The following GRIA1 variants were observed in gnomAD, a reference collection of about 807,000 sequenced individuals.
GRIA1 encodes glutamate ionotropic receptor AMPA type subunit 1, also known as glutamate receptor 1.
Under a neutral mutation model 99.2 loss-of-function variants are expected in GRIA1, and 31 were observed. The ratio of observed to expected loss-of-function variants is 0.31; its 90% CI spans 0.23 to 0.42. The LOEUF is 0.42. Ranked by LOEUF, GRIA1 falls within the 10% of genes least tolerant of loss-of-function variation. The pLI is 1.00. For synonymous variants in GRIA1, 438 were observed against 432.4 expected (o/e 1.01, Z -0.16); for missense variants, 782 against 1,157.5 (o/e 0.68, Z 4.71).
At chr5:153,588,644 G>A (rs193165135) in intron 2 of GRIA1, among the ~76,000 whole-genome samples, 1 of 152,258 alleles carries the variant, frequency 6.6e-6, no homozygotes, top group Admixed American at 6.5e-5. Flanking sequence ...CTTTTAAATT[G>A]AAATTATAGT....
chr5:153,610,610 C>T (rs1160132611), intron 2 of GRIA1, among the ~76,000 whole-genome samples: 2 of 152,028 alleles, frequency 1.3e-5, no homozygotes, highest in African/African-American at 4.8e-5. Flanking sequence ...AGTGTAGTCT[C>T]CAGAGTCAAG....
At chr5:153,703,263 T>A (rs912963053) in intron 10 of GRIA1, among the ~76,000 whole-genome samples, 2 of 152,186 alleles carry the variant, frequency 1.3e-5, no homozygotes, top group African/African-American at 4.8e-5. Flanking sequence ...GCCAAATAGT[T>A]TTGGAAATGC....
chr5:153,609,567 T>G (rs1190204836), intron 2 of GRIA1, among the ~76,000 whole-genome samples: 10 of 139,250 alleles, frequency 7.2e-5, no homozygotes, highest in African/African-American at 2.7e-4. Flanking sequence ...TTTTTTTTTT[T>G]TTTTTTTTTT....
At chr5:153,545,058 T>G (rs1287384125) in intron 2 of GRIA1, among the ~76,000 whole-genome samples, 1 of 152,178 alleles carries the variant, frequency 6.6e-6, no homozygotes, top group African/African-American at 2.4e-5. Context: ...AGTTCTCTTG[T>G]GTTTAAGGAA....
intron 11 of GRIA1, among the ~76,000 whole-genome samples, chr5:153,748,551 T>G (rs1762305188): frequency 6.6e-6 from 1 of 152,140 alleles, no homozygotes; most frequent in Non-Finnish European, 1.5e-5. Context: ...CTACTTATAG[T>G]TTAAAAAGAT....
intron 11 of GRIA1, chr5:153,755,392 G>C (rs1385717375): frequency 6.6e-6 from 1 of 152,328 alleles, no homozygotes; most frequent in Non-Finnish European, 1.5e-5. Context: ...GCCAGGCACA[G>C]TGGCACACCC....
intron 2 of GRIA1, among the ~76,000 whole-genome samples, chr5:153,620,081 A>G (rs1766889286): frequency 6.6e-6 from 1 of 152,222 alleles, no homozygotes; most frequent in South Asian, 2.1e-4. Flanking sequence ...GAAGTGACCT[A>G]TAAATTCTGA....
chr5:153,680,528 T>C (rs144666560), intron 7 of GRIA1, among the ~76,000 whole-genome samples: 1 of 152,310 alleles, frequency 6.6e-6, no homozygotes, highest in South Asian at 2.1e-4. Flanking sequence ...ACATAATTTC[T>C]GCATGACCAG....
At chr5:153,511,122 T>A (rs1052321413) in intron 2 of GRIA1, among the ~76,000 whole-genome samples, 1 of 151,960 alleles carries the variant, frequency 6.6e-6, no homozygotes, top group East Asian at 1.9e-4. Flanking sequence ...AACAGGCGGG[T>A]CTGATTGCTT....
chr5:153,598,266 G>A (rs1000631858), intron 2 of GRIA1, among the ~76,000 whole-genome samples: 1 of 152,014 alleles, frequency 6.6e-6, no homozygotes, highest in Non-Finnish European at 1.5e-5. Flanking sequence ...AATAGGAAGA[G>A]CACATCCTGT....
intron 11 of GRIA1, among the ~76,000 whole-genome samples, chr5:153,747,548 G>T (rs1762240903): frequency 6.6e-6 from 1 of 152,206 alleles, no homozygotes; most frequent in Non-Finnish European, 1.5e-5. Flanking sequence ...ATAGCATCCA[G>T]CTCAGAGTTG....
chr5:153,504,177 G>A (rs957130311), intron 2 of GRIA1, among the ~76,000 whole-genome samples: 2 of 151,890 alleles, frequency 1.3e-5, no homozygotes, highest in Admixed American at 1.3e-4. Context: ...TAGAGCTTGG[G>A]GTAGTGAGAA....
intron 12 of GRIA1, among the ~76,000 whole-genome samples, chr5:153,768,273 T>C (rs1763649748): frequency 6.6e-6 from 1 of 152,192 alleles, no homozygotes; most frequent in African/African-American, 2.4e-5. Context: ...CACATTGACA[T>C]TGTTGCTTGA....
intron 12 of GRIA1, among the ~76,000 whole-genome samples, chr5:153,766,316 A>C (rs1360193252): frequency 6.6e-6 from 1 of 152,168 alleles, no homozygotes. Flanking sequence ...TTAGCCTGCA[A>C]CAAAAGTGTG....
chr5:153,787,568 T>C (rs1271798472), intron 13 of GRIA1, among the ~76,000 whole-genome samples: 1 of 152,228 alleles, frequency 6.6e-6, no homozygotes, highest in African/African-American at 2.4e-5. Context: ...TTGTTTACTT[T>C]GCTCAGTGCC....
At chr5:153,644,139 G>C (rs1025843445) in intron 2 of GRIA1, among the ~76,000 whole-genome samples, 1 of 152,174 alleles carries the variant, frequency 6.6e-6, no homozygotes, top group African/African-American at 2.4e-5. Context: ...CTTCACCCTG[G>C]ATGATGGATT....
chr5:153,696,198 A>G (rs1440696247), intron 8 of GRIA1, among the ~76,000 whole-genome samples: 1 of 152,194 alleles, frequency 6.6e-6, no homozygotes, highest in Non-Finnish European at 1.5e-5. Context: ...CGCTTTCTGC[A>G]TACTTAAAAT....
chr5:153,618,520 T>G (rs906279210), intron 2 of GRIA1, among the ~76,000 whole-genome samples: 1 of 152,134 alleles, frequency 6.6e-6, no homozygotes, highest in African/African-American at 2.4e-5. Flanking sequence ...GGGCAATGCC[T>G]GCTGACAGAA....
At chr5:153,607,042 GATATATATAT>G (rs59233877) in intron 2 of GRIA1, among the ~76,000 whole-genome samples, 8 of 127,772 alleles carry the variant, frequency 6.3e-5, no homozygotes, top group East Asian at 2.1e-4. Context: ...TATCACAAAA[GATATATATAT>G]ATATATATAT....
Sources: allele counts gnomAD v4.1 joint callset (sites outside exome capture counted in the v4.1 genomes callset), GRCh38; gene constraint gnomAD v4.1.1; transcripts MANE v1.5; gene names NCBI Gene and HGNC (gene_info 2026-07-23, HGNC 2026-07-21).